The following FYN variants were observed in gnomAD, a reference collection of about 807,000 sequenced individuals.
FYN encodes the protein tyrosine-protein kinase Fyn.
FYN carries 10 observed loss-of-function variants against 70.2 expected under a neutral mutation model. The ratio of observed to expected loss-of-function variants is 0.14; its 90% CI spans 0.09 to 0.24. The LOEUF is 0.24. Among genes scored for constraint, FYN ranks in the 10% least tolerant of loss-of-function variants. The pLI, the probability that FYN is intolerant of heterozygous loss-of-function variation, is 1.00. For missense variants in FYN, 319 were observed against 673.1 expected (o/e 0.47, Z 5.82); for synonymous variants, 236 against 248.6 (o/e 0.95, Z 0.48).
At chr6:111,724,309 G>A (rs925892989) in intron 3 of FYN, among the ~76,000 whole-genome samples, 11 of 152,056 alleles carry the variant, frequency 7.2e-5, no homozygotes, top group African/African-American at 1.9e-4. Context: ...AGTGATTGAC[G>A]GAAACTGACC....
chr6:111,848,974 T>C (rs1773607274), intron 1 of FYN, among the ~76,000 whole-genome samples: 1 of 152,196 alleles, frequency 6.6e-6, no homozygotes, highest in South Asian at 2.1e-4. Context: ...TAAGGGAAGA[T>C]AGGCTTCTCC....
chr6:111,708,736 C>T, intron 5 of FYN, among the ~76,000 whole-genome samples: 1 of 152,124 alleles, frequency 6.6e-6, no homozygotes, highest in Non-Finnish European at 1.5e-5. Context: ...TGTGCTCGCA[C>T]AGGTGAAGCA....
At chr6:111,811,217 G>T (rs1292538536) in intron 2 of FYN, among the ~76,000 whole-genome samples, 1 of 152,160 alleles carries the variant, frequency 6.6e-6, no homozygotes, top group Non-Finnish European at 1.5e-5. Flanking sequence ...TTTCATTTAT[G>T]AATTTCTTTA....
intron 3 of FYN, among the ~76,000 whole-genome samples, chr6:111,748,880 T>A (rs1802360700): frequency 6.6e-6 from 1 of 152,194 alleles, no homozygotes; most frequent in Non-Finnish European, 1.5e-5. Context: ...TTGCCTGCAT[T>A]TGTAGTTTGT....
chr6:111,673,621 T>C (rs75604142), intron 13 of FYN, among the ~76,000 whole-genome samples: 149 of 112,938 alleles, frequency 1.3e-3, no homozygotes, highest in Non-Finnish European at 1.8e-3. Flanking sequence ...TTTCTATCAT[T>C]GTTTTTTTTT....
intron 2 of FYN, among the ~76,000 whole-genome samples, chr6:111,801,711 G>A (rs1167012957): frequency 6.6e-6 from 1 of 152,180 alleles, no homozygotes; most frequent in Non-Finnish European, 1.5e-5. Flanking sequence ...TGAAAACAGT[G>A]CCTGGGTTGT....
chr6:111,853,866 G>A (rs80354973), intron 1 of FYN, among the ~76,000 whole-genome samples: 2,844 of 152,268 alleles, frequency 0.019, 44 homozygotes, highest in Non-Finnish European at 0.028. Flanking sequence ...TGATCCTCCT[G>A]CTTTGTCATA....
chr6:111,681,310 G>A (rs1222219990), intron 12 of FYN, among the ~76,000 whole-genome samples: 1 of 152,122 alleles, frequency 6.6e-6, no homozygotes, highest in Non-Finnish European at 1.5e-5. Context: ...TTACAGGCAT[G>A]AGCCACTGCA....
At chr6:111,686,769 G>A (rs891276820) in intron 12 of FYN, among the ~76,000 whole-genome samples, 1 of 152,220 alleles carries the variant, frequency 6.6e-6, no homozygotes, top group Non-Finnish European at 1.5e-5. Context: ...GGGGGCAGAG[G>A]GAGGGCATCT....
chr6:111,795,535 G>A (rs1268826846), intron 2 of FYN, among the ~76,000 whole-genome samples: 2 of 152,124 alleles, frequency 1.3e-5, no homozygotes, highest in Non-Finnish European at 2.9e-5. Context: ...TGGAGTTTTT[G>A]TTTCACTCAC....
intron 7 of FYN, among the ~76,000 whole-genome samples, chr6:111,703,451 T>C (rs1468996434): frequency 6.6e-6 from 1 of 152,176 alleles, no homozygotes; most frequent in African/African-American, 2.4e-5. Flanking sequence ...ATCTAAGGCT[T>C]GTTTCTCTAG....
chr6:111,766,602 T>C (rs1027849161), intron 3 of FYN, among the ~76,000 whole-genome samples: 12 of 152,204 alleles, frequency 7.9e-5, no homozygotes, highest in African/African-American at 2.9e-4. Flanking sequence ...CAGTTAAGCA[T>C]GGCTGGGAAG....
chr6:111,733,862 C>T (rs970603607), intron 3 of FYN, among the ~76,000 whole-genome samples: 2 of 152,034 alleles, frequency 1.3e-5, no homozygotes, highest in East Asian at 1.9e-4. Flanking sequence ...CTGAGGTGGG[C>T]GGAATACTTG....
intron 9 of FYN, 85 bp downstream of exon 9, chr6:111,700,019 A>C: frequency 8.0e-7 from 1 of 1,247,314 alleles, no homozygotes; most frequent in Non-Finnish European, 1.1e-6. Context: ...CCGGTCACGC[A>C]GTCTTTATTT....
At chr6:111,821,288 A>C (rs1772652789) in intron 2 of FYN, among the ~76,000 whole-genome samples, 2 of 152,114 alleles carry the variant, frequency 1.3e-5, no homozygotes, top group African/African-American at 4.8e-5. Flanking sequence ...AAACAGAGAT[A>C]TAGACCAATG....
intron 3 of FYN, among the ~76,000 whole-genome samples, chr6:111,745,229 A>G (rs6925303): frequency 0.46 from 70,492 of 152,020 alleles, 16,548 homozygotes; most frequent in East Asian, 0.62. Flanking sequence ...CGCGAATGCC[A>G]TCTCTTTCAC....
intron 1 of FYN, among the ~76,000 whole-genome samples, chr6:111,847,222 C>T (rs747198847): frequency 6.6e-6 from 1 of 152,192 alleles, no homozygotes; most frequent in African/African-American, 2.4e-5. Context: ...ACTCCAGCCC[C>T]GGGACTACCT....
intron 12 of FYN, among the ~76,000 whole-genome samples, chr6:111,682,740 G>A (rs1001813725): frequency 2.0e-5 from 3 of 152,182 alleles, no homozygotes; most frequent in African/African-American, 7.2e-5. Flanking sequence ...CCCTGTGCTT[G>A]CACACTGGAT....
intron 2 of FYN, among the ~76,000 whole-genome samples, chr6:111,807,296 T>C (rs891355446): frequency 3.3e-5 from 5 of 152,190 alleles, no homozygotes; most frequent in African/African-American, 1.2e-4. Context: ...GACACTGGGC[T>C]TTACTCCTGG....
Sources: allele counts gnomAD v4.1 joint callset (sites outside exome capture counted in the v4.1 genomes callset), GRCh38; gene constraint gnomAD v4.1.1; transcripts MANE v1.5; gene names NCBI Gene and HGNC (gene_info 2026-07-23, HGNC 2026-07-21).